Variants in NRG1 observed in about 807,000 individuals in gnomAD.
The protein encoded by NRG1 is pro-neuregulin-1, membrane-bound isoform.
Under a neutral mutation model 63.8 loss-of-function variants are expected in NRG1, and 18 were observed. That is an observed-to-expected ratio of 0.28 (90% CI 0.19 to 0.42). The LOEUF (loss-of-function observed/expected upper bound fraction) is 0.42. NRG1 is among the 10% of genes least tolerant of loss of function. The pLI is 1.00. For synonymous variants in NRG1, 302 were observed against 301.3 expected (o/e 1.00, Z -0.02); for missense variants, 762 against 814.7 (o/e 0.94, Z 0.79).
chr8:31,835,483 G>C (rs1159187442), intron 1 of NRG1, among the ~76,000 whole-genome samples: 1 of 152,134 alleles, frequency 6.6e-6, no homozygotes, highest in Non-Finnish European at 1.5e-5. Flanking sequence ...AATGGCTGTA[G>C]TATAGACGCT....
intron 1 of NRG1, among the ~76,000 whole-genome samples, chr8:32,352,671 AG>A (rs1428586453): frequency 6.6e-6 from 1 of 152,054 alleles, no homozygotes; most frequent in Non-Finnish European, 1.5e-5. Context: ...GCTTGAGGCT[AG>A]GAGTTTGAGA....
At chr8:31,810,689 T>A (rs1399575828) in intron 1 of NRG1, among the ~76,000 whole-genome samples, 1 of 152,174 alleles carries the variant, frequency 6.6e-6, no homozygotes, top group Non-Finnish European at 1.5e-5. Flanking sequence ...TTATCCCTTT[T>A]CCCTGCCCTT....
chr8:32,564,263 T>C (rs1020585312), intron 1 of NRG1, among the ~76,000 whole-genome samples: 21 of 152,328 alleles, frequency 1.4e-4, no homozygotes, highest in African/African-American at 4.8e-4. Context: ...AGAAGAAATA[T>C]TGAGCAAGCA....
intron 1 of NRG1, among the ~76,000 whole-genome samples, chr8:32,083,852 A>G (rs778064389): frequency 6.6e-6 from 1 of 152,140 alleles, no homozygotes; most frequent in Non-Finnish European, 1.5e-5. Flanking sequence ...GTAGACCATA[A>G]TGGTAGCGGT....
At chr8:32,434,268 C>G (rs1016389488) in intron 1 of NRG1, among the ~76,000 whole-genome samples, 1 of 152,016 alleles carries the variant, frequency 6.6e-6, no homozygotes, top group Admixed American at 6.6e-5. Flanking sequence ...GAATTGGGTA[C>G]AGTACTGAGC....
At chr8:32,415,279 G>A (rs62500168) in intron 1 of NRG1, among the ~76,000 whole-genome samples, 39,033 of 150,786 alleles carry the variant, frequency 0.26, 5,334 homozygotes, top group Middle Eastern at 0.35. Context: ...GTGGTGGCAC[G>A]TGCCTGTAGT....
At chr8:32,057,567 C>G (rs771968867) in intron 1 of NRG1, among the ~76,000 whole-genome samples, 1 of 152,106 alleles carries the variant, frequency 6.6e-6, no homozygotes, top group Non-Finnish European at 1.5e-5. Context: ...GTTTCATGTT[C>G]AGAGGTTTTT....
At chr8:32,672,952 G>A (rs1484493440) in intron 5 of NRG1, among the ~76,000 whole-genome samples, 2 of 152,132 alleles carry the variant, frequency 1.3e-5, no homozygotes, top group Non-Finnish European at 1.5e-5. Context: ...CACAAACAAT[G>A]AAGTAATCAT....
intron 1 of NRG1, among the ~76,000 whole-genome samples, chr8:31,892,556 A>C (rs896113967): frequency 6.6e-6 from 1 of 152,166 alleles, no homozygotes. Context: ...TACTTATTGC[A>C]TTGAGATTAA....
At chr8:32,022,141 G>A (rs1307804215) in intron 1 of NRG1, among the ~76,000 whole-genome samples, 4 of 152,030 alleles carry the variant, frequency 2.6e-5, no homozygotes, top group South Asian at 2.1e-4. Flanking sequence ...TTAATCTCAC[G>A]ACTGTTATTT....
At chr8:31,758,351 A>G (rs1375474514) in intron 1 of NRG1, among the ~76,000 whole-genome samples, 1 of 152,034 alleles carries the variant, frequency 6.6e-6, no homozygotes, top group East Asian at 1.9e-4. Flanking sequence ...AGAATGATGC[A>G]ATCCCATTAC....
chr8:32,435,630 AACGTCAGTGTTTT>A (rs1045358992), intron 1 of NRG1, among the ~76,000 whole-genome samples: 3 of 152,204 alleles, frequency 2.0e-5, no homozygotes, highest in African/African-American at 7.2e-5. Context: ...ATAATCCACA[AACGTCAGTGTTTT>A]ACATTTGTAA....
chr8:32,550,749 C>G (rs753289785), intron 1 of NRG1, among the ~76,000 whole-genome samples: 4 of 152,204 alleles, frequency 2.6e-5, no homozygotes, highest in Non-Finnish European at 5.9e-5. Context: ...CTTGGTGGCT[C>G]TCATCTGCTT....
intron 1 of NRG1, among the ~76,000 whole-genome samples, chr8:32,438,384 T>C (rs910029316): frequency 6.6e-6 from 1 of 152,190 alleles, no homozygotes; most frequent in African/African-American, 2.4e-5. Context: ...CATTCTTTGT[T>C]ATCGCTGCAT....
chr8:32,233,563 A>ATATATATATTTTT (rs34593729), intron 1 of NRG1, among the ~76,000 whole-genome samples: 19 of 67,252 alleles, frequency 2.8e-4, no homozygotes, highest in Non-Finnish European at 4.2e-4. Flanking sequence ...ATATATATAT[A>ATATATATATTTTT]TTTTTTTTTT....
chr8:32,478,782 A>C (rs985354567), intron 1 of NRG1, among the ~76,000 whole-genome samples: 1 of 152,200 alleles, frequency 6.6e-6, no homozygotes. Flanking sequence ...ATGTTTCATG[A>C]GTTCAGGTTA....
chr8:32,635,386 G>GA (rs1851137426), intron 5 of NRG1, among the ~76,000 whole-genome samples: 2 of 152,172 alleles, frequency 1.3e-5, no homozygotes, highest in South Asian at 4.1e-4. Flanking sequence ...TACTGCTTTT[G>GA]AAAAGCAGGT....
Position 32,634,184 on chromosome 8 carries a change from A to G in NRG1, c.502+17299A>G, listed in dbSNP as rs1367268787. 3.3e-5 allele frequency among the ~76,000 whole-genome samples: 5 copies of G among 151,804 alleles called. No homozygotes were observed. The East Asian group carries it at 7.8e-4, about 24-fold the overall frequency. ...CTGTGGAAAAACTTTGAAAAAGCAT[A>G]CATTCTTAAAAATAAATGGGAAATC... is the stretch of plus-strand genomic sequence containing the variant. On this transcript the variant is annotated intron_variant, in intron 5 of 11. Coordinates refer to ENST00000356819, the Ensembl canonical transcript of NRG1.
At chr8:32,190,172 T>C (rs906767407) in intron 1 of NRG1, among the ~76,000 whole-genome samples, 3 of 147,930 alleles carry the variant, frequency 2.0e-5, no homozygotes, top group Middle Eastern at 7.1e-3. Flanking sequence ...TTTATCAAAA[T>C]GTATTATTAT....
Sources: gnomAD v4.1 joint callset for allele counts (sites outside exome capture counted in the v4.1 genomes callset) on GRCh38, gnomAD v4.1.1 for gene constraint, MANE v1.5 for transcripts, NCBI Gene and HGNC (gene_info 2026-07-23, HGNC 2026-07-21) for gene names.